Variants in AGMO observed in about 807,000 individuals in gnomAD.
AGMO encodes the protein glyceryl-ether monooxygenase.
AGMO carries 75 observed loss-of-function variants against 60.2 expected under a neutral mutation model. The observed-to-expected ratio is 1.25, with a 90% CI of 1.03 to 1.51. The LOEUF (loss-of-function observed/expected upper bound fraction) is 1.51, where lower values mean the gene tolerates loss of function less well. Ranked by LOEUF, AGMO falls within the 40% of genes most tolerant of loss-of-function variation. The pLI, the probability that AGMO is intolerant of heterozygous loss-of-function variation, is 0.00. For missense variants in AGMO, 763 were observed against 525.5 expected, an observed-to-expected ratio of 1.45 and a Z score of -4.42; for synonymous variants, 261 against 177.1, an observed-to-expected ratio of 1.47 and a Z score of -3.76.
chr7:15,439,460 T>C (rs765796715), intron 3 of AGMO, among the ~76,000 whole-genome samples: 2 of 152,194 alleles, frequency 1.3e-5, no homozygotes, highest in African/African-American at 2.4e-5. Flanking sequence ...CCCTTCTTTC[T>C]GCTACCTTGA....
chr7:15,506,340 C>T (rs1054876256), intron 3 of AGMO, among the ~76,000 whole-genome samples: 1 of 151,936 alleles, frequency 6.6e-6, no homozygotes, highest in Admixed American at 6.6e-5. Flanking sequence ...TCGAGTTACA[C>T]AGATTCTAAA....
intron 12 of AGMO, among the ~76,000 whole-genome samples, chr7:15,267,407 T>C (rs1345039168): frequency 6.6e-6 from 1 of 152,016 alleles, no homozygotes; most frequent in Non-Finnish European, 1.5e-5. Context: ...AGTGAGCTTC[T>C]CAAATGATAA....
chr7:15,561,718 AC>A lies in AGMO; in HGVS notation c.126+1del, dbSNP rs1785311974. On this transcript the variant is annotated splice_donor_variant, in intron 1 of 12. Coordinates refer to ENST00000342526, the MANE Select transcript of AGMO (RefSeq NM_001004320.2). LOFTEE classifies it high-confidence loss of function. ...GAGTAGCCTCTTCCAATAAAGTCTC[AC>A]CTTTTTTACATAATCAGGCACCTCT... The A allele has an allele frequency of 1.2e-6, 2 of 1,602,698 alleles. No individual in the cohort carries two copies. Among genetic ancestry groups the A allele is most frequent in the Admixed American group, 1.7e-5 (1 of 58,908 alleles).
chr7:15,548,273 A>C (rs1240834258), intron 2 of AGMO, among the ~76,000 whole-genome samples: 1 of 152,274 alleles, frequency 6.6e-6, no homozygotes, highest in African/African-American at 2.4e-5. Context: ...CCTCCTCCAA[A>C]GGAACGCAGT....
the AGMO span, among the ~76,000 whole-genome samples, chr7:15,193,945 A>T: frequency 6.6e-6 from 1 of 152,162 alleles, no homozygotes; most frequent in African/African-American, 2.4e-5. Context: ...ATATTTTTAA[A>T]TTTTCACAAT....
At chr7:15,473,291 G>T (rs10950562) in intron 3 of AGMO, among the ~76,000 whole-genome samples, 65,754 of 151,570 alleles carry the variant, frequency 0.43, 14,990 homozygotes, top group Non-Finnish European at 0.52. Context: ...AGGATCAAAC[G>T]GATTCACAGC....
intron 8 of AGMO, among the ~76,000 whole-genome samples, chr7:15,387,902 C>T (rs940620339): frequency 9.1e-6 from 1 of 109,472 alleles, no homozygotes; most frequent in African/African-American, 4.8e-5. Context: ...ATGACACATT[C>T]TCTTTTTTTT....
chr7:15,549,196 C>T (rs1213747329), intron 2 of AGMO, among the ~76,000 whole-genome samples: 12 of 143,528 alleles, frequency 8.4e-5, no homozygotes, highest in Non-Finnish European at 1.4e-4. Context: ...CAACCGGTAC[C>T]AGCCGCTGCA....
At chr7:15,374,608 A>ATG (rs1291798920) in intron 10 of AGMO, among the ~76,000 whole-genome samples, 3 of 151,838 alleles carry the variant, frequency 2.0e-5, no homozygotes, top group Admixed American at 2.0e-4. Context: ...CAATAGCAAT[A>ATG]TATCTGAAAT....
In AGMO at chr7:15,394,119, G is replaced by T; in HGVS notation, c.670C>A (p.His224Asn). Residue 224 changes from histidine to asparagine, a missense_variant, in exon 6 of 13, where the codon CAT becomes AAT. By Grantham distance (68) the His-to-Asn change is moderately conservative (BLOSUM62 1). Coordinates refer to ENST00000342526, the MANE Select transcript of AGMO (RefSeq NM_001004320.2). ...AGAAACAAAACTTCCTTACCATGAT[G>T]AACCCTATGATGGCTAGGAGTATTA... ...ILNTPSHHRV[H>N]HGRNRYCIDK... The T allele has an allele frequency of 6.2e-7, 1 of 1,609,758 alleles. No individual in the cohort carries two copies. The highest frequency in any genetic ancestry group is 8.5e-7 in the Non-Finnish European group (1 of 1,176,816).
chr7:15,132,900 A>G, the AGMO span, among the ~76,000 whole-genome samples: 1 of 152,204 alleles, frequency 6.6e-6, no homozygotes, highest in South Asian at 2.1e-4. Flanking sequence ...TGAAGAATTC[A>G]GGAGAAAAAG....
chr7:15,549,365 G>C (rs1784880639), intron 2 of AGMO, among the ~76,000 whole-genome samples: 1 of 152,014 alleles, frequency 6.6e-6, no homozygotes, highest in Non-Finnish European at 1.5e-5. Context: ...AAAAGACACA[G>C]ACTGGCAAAT....
At chr7:15,185,704 C>A in the AGMO span, among the ~76,000 whole-genome samples, 1 of 152,098 alleles carries the variant, frequency 6.6e-6, no homozygotes, top group Non-Finnish European at 1.5e-5. Context: ...GATTGGAGTC[C>A]AAAACCCTGG....
intron 4 of AGMO, among the ~76,000 whole-genome samples, chr7:15,427,984 A>ACTTAATTTCACATTTCAATGTGAAATAG (rs1781117226): frequency 1.4e-5 from 2 of 146,768 alleles, no homozygotes; most frequent in East Asian, 4.0e-4. Context: ...GAAGAAATAT[A>ACTTAATTTCACATTTCAATGTGAAATAG]CTTAATTTCA....
At chr7:15,146,932 A>C in the AGMO span, among the ~76,000 whole-genome samples, 80 of 152,330 alleles carry the variant, frequency 5.3e-4, no homozygotes, top group Middle Eastern at 3.4e-3. Flanking sequence ...TGTGCCAATA[A>C]ATTAACATAT....
intron 3 of AGMO, among the ~76,000 whole-genome samples, chr7:15,533,725 T>C (rs1010038780): frequency 6.6e-5 from 10 of 152,172 alleles, no homozygotes; most frequent in African/African-American, 2.4e-4. Context: ...TGAAATCTAA[T>C]ACTGATGAAA....
chr7:15,543,121 G>T (rs1346444321), intron 3 of AGMO, among the ~76,000 whole-genome samples: 1 of 152,030 alleles, frequency 6.6e-6, no homozygotes, highest in African/African-American at 2.4e-5. Context: ...CTATTTATTA[G>T]TATTATTCCA....
chr7:15,340,628 C>A (rs1469577225), intron 12 of AGMO, among the ~76,000 whole-genome samples: 1 of 152,258 alleles, frequency 6.6e-6, no homozygotes, highest in African/African-American at 2.4e-5. Context: ...GGTGCCAGCC[C>A]CAAGCCTTGG....
At chr7:15,331,089 G>T (rs1204875360) in intron 12 of AGMO, among the ~76,000 whole-genome samples, 1 of 152,146 alleles carries the variant, frequency 6.6e-6, no homozygotes, top group African/African-American at 2.4e-5. Context: ...CAAGCAGAGA[G>T]ATCTATATAG....
Sources: allele counts gnomAD v4.1 joint callset (sites outside exome capture counted in the v4.1 genomes callset), GRCh38; gene constraint gnomAD v4.1.1; transcripts MANE v1.5; gene names NCBI Gene and HGNC (gene_info 2026-07-23, HGNC 2026-07-21).